CDK13: variants seen among roughly 807,000 people sequenced by gnomAD.
CDK13 encodes cyclin dependent kinase 13.
Under a neutral mutation model 137.6 loss-of-function variants are expected in CDK13, and 40 were observed. That is an observed-to-expected ratio of 0.29 (90% CI 0.23 to 0.38). CDK13 has a LOEUF of 0.38. Among genes scored for constraint, CDK13 ranks in the 10% least tolerant of loss-of-function variants. The probability of loss-of-function intolerance (pLI) is 1.00; values close to 1 mark genes in which losing one functional copy is unlikely to be tolerated. For missense variants in CDK13, 1,704 were observed against 1,951.8 expected, an observed-to-expected ratio of 0.87 and a Z score of 2.39; for synonymous variants, 869 against 760.1, an observed-to-expected ratio of 1.14 and a Z score of -2.36.
intron 7 of CDK13, among the ~76,000 whole-genome samples, chr7:40,058,359 T>A (rs1392482228): frequency 6.6e-6 from 1 of 151,930 alleles, no homozygotes; most frequent in African/African-American, 2.4e-5. Context: ...CCTGGTTTTA[T>A]GCTTAATAAA....
intron 7 of CDK13, among the ~76,000 whole-genome samples, chr7:40,053,518 C>T (rs1310770658): frequency 6.6e-6 from 1 of 152,104 alleles, no homozygotes. Flanking sequence ...TTGCTGTGCT[C>T]TTGAATGCCT....
intron 11 of CDK13, among the ~76,000 whole-genome samples, chr7:40,087,198 C>T (rs1410863301): frequency 1.3e-5 from 2 of 152,152 alleles, no homozygotes; most frequent in Non-Finnish European, 2.9e-5. Flanking sequence ...GGCTGGAGTG[C>T]AGTTACATGA....
intron 12 of CDK13, among the ~76,000 whole-genome samples, chr7:40,089,830 A>G (rs1786882252): frequency 6.6e-6 from 1 of 152,026 alleles, no homozygotes. Flanking sequence ...TTGATGAGTT[A>G]GTTGATTAAA....
intron 13 of CDK13, among the ~76,000 whole-genome samples, 184 bp from the exon 14 acceptor site, chr7:40,093,946 C>T (rs17538314): frequency 0.012 from 1,841 of 150,660 alleles, 29 homozygotes; most frequent in African/African-American, 0.044. Flanking sequence ...TAAAGAGAAG[C>T]CATATACAGT....
At chr7:40,046,713 C>T (rs1354304115) in intron 6 of CDK13, among the ~76,000 whole-genome samples, 1 of 151,430 alleles carries the variant, frequency 6.6e-6, no homozygotes. Flanking sequence ...TGTTACATAG[C>T]TGTTAGTGGC....
rs957859714 is a variant in CDK13, at chr7:40,099,328, G to C, written c.*4348G>C. The C allele has an allele frequency of 6.6e-6, 1 of 152,088 alleles. No individual in the cohort carries two copies. The highest frequency in any genetic ancestry group is 2.4e-5 in the African/African-American group (1 of 41,410). 9.4% of individuals were successfully genotyped at this position (152,088 alleles called of 1,614,324 possible). ...AGTCTGCAGGTCTTAACTCATTTCA[G>C]CCTGTCAAATGTGCAATTAAAAATG... On this transcript the variant is annotated 3_prime_UTR_variant, in exon 14 of 14. Transcript: ENST00000181839.
At chr7:40,039,575 GCATGAACCAC>G (rs936419569) in intron 5 of CDK13, among the ~76,000 whole-genome samples, 2 of 151,368 alleles carry the variant, frequency 1.3e-5, no homozygotes, top group African/African-American at 4.9e-5. Context: ...GGGATTATAG[GCATGAACCAC>G]CATGCCCGGC....
rs202137925 is a variant in CDK13 at position 39,978,433 on chromosome 7, A to T, written c.1212-9166A>T. Among the ~76,000 whole-genome samples, 5 of 152,152 alleles carry T rather than the reference A, an allele frequency of 3.3e-5. No homozygotes were observed. In the East Asian group the frequency reaches 9.6e-4, roughly 29 times the overall value. On this transcript the variant is annotated intron_variant, in intron 1 of 13. Coordinates refer to ENST00000181839, the MANE Select transcript of CDK13 (RefSeq NM_003718.5). ...TGGATGTATGTATAAGCCAGATTGT[A>T]GTGATTTGAGGATTGAAAGGACAAA...
intron 5 of CDK13, among the ~76,000 whole-genome samples, chr7:40,018,088 ATTTTAT>A (rs1273663324): frequency 6.6e-6 from 1 of 151,970 alleles, no homozygotes; most frequent in Non-Finnish European, 1.5e-5. Context: ...AAAAAAAAAG[ATTTTAT>A]TTTTGTGCAT....
Position 39,992,070 on chromosome 7 carries a change from T to TACACACAC in CDK13, c.1871+3839_1871+3846dup, listed in dbSNP as rs148046155. Among the ~76,000 whole-genome samples, 1,174 of 147,036 alleles carry TACACACAC rather than the reference T, an allele frequency of 8.0e-3. 25 individuals are homozygous for TACACACAC. Among genetic ancestry groups the TACACACAC allele is most frequent in the Admixed American group, 0.04 (590 of 14,860 alleles). ...CTGTCTCAAAAAAAGGAAAAAATTA[T>TACACACAC]ACACACACACACACACACACACACA... On this transcript the variant is annotated intron_variant, in intron 2 of 13. Coordinates refer to ENST00000181839, the MANE Select transcript of CDK13 (RefSeq NM_003718.5).
intron 1 of CDK13, among the ~76,000 whole-genome samples, chr7:39,957,090 C>CGT (rs70996865): frequency 0.17 from 23,331 of 140,796 alleles, 1,929 homozygotes; most frequent in South Asian, 0.19. Context: ...ATCCCACTGT[C>CGT]GTGTGTGTGT....
At chr7:40,067,014 T>G (rs1369713419) in intron 9 of CDK13, 2 of 152,154 alleles carry the variant, frequency 1.3e-5, no homozygotes, top group Non-Finnish European at 2.9e-5. Context: ...AACTAGGGCT[T>G]CTATTAAAGA....
intron 5 of CDK13, among the ~76,000 whole-genome samples, chr7:40,005,016 A>G (rs1159304168): frequency 6.6e-6 from 1 of 152,102 alleles, no homozygotes; most frequent in East Asian, 1.9e-4. Flanking sequence ...TCAACTAAAA[A>G]TACAAAAATT....
chr7:40,091,054 T>C (rs1040257613), intron 12 of CDK13, among the ~76,000 whole-genome samples: 4 of 147,846 alleles, frequency 2.7e-5, no homozygotes, highest in African/African-American at 1.0e-4. Flanking sequence ...CTACTAAAAA[T>C]AAAACAACTG....
intron 1 of CDK13, among the ~76,000 whole-genome samples, chr7:39,968,698 A>G (rs1002225448): frequency 6.6e-6 from 1 of 152,200 alleles, no homozygotes; most frequent in South Asian, 2.1e-4. Context: ...TCTTTGGATT[A>G]ACATAGCTTT....
intron 12 of CDK13, among the ~76,000 whole-genome samples, chr7:40,090,059 C>T (rs2150545588): frequency 6.6e-6 from 1 of 152,210 alleles, no homozygotes; most frequent in East Asian, 1.9e-4. Flanking sequence ...GTGAGTTCCC[C>T]TTATACATTA....
chr7:40,066,819 C>T (rs1786290290), intron 9 of CDK13: 2 of 152,034 alleles, frequency 1.3e-5, no homozygotes, highest in Non-Finnish European at 2.9e-5. Context: ...TGGCCTTTGT[C>T]AGAAGATGGG....
chr7:40,003,412 T>C (rs564512826), intron 5 of CDK13, among the ~76,000 whole-genome samples: 1 of 152,238 alleles, frequency 6.6e-6, no homozygotes, highest in East Asian at 1.9e-4. Context: ...GGTTTGTCTT[T>C]TTAACTTTAT....
At chr7:40,055,726 G>A (rs752649706) in intron 7 of CDK13, among the ~76,000 whole-genome samples, 1 of 151,844 alleles carries the variant, frequency 6.6e-6, no homozygotes, top group Non-Finnish European at 1.5e-5. Context: ...TTACAGGCAT[G>A]CACCGTGATA....
Sources: gnomAD v4.1 joint callset for allele counts (sites outside exome capture counted in the v4.1 genomes callset) on GRCh38, gnomAD v4.1.1 for gene constraint, MANE v1.5 for transcripts, NCBI Gene and HGNC (gene_info 2026-07-23, HGNC 2026-07-21) for gene names.